The following DPP10 variants were observed in gnomAD, a reference collection of about 807,000 sequenced individuals.
The protein encoded by DPP10 is inactive dipeptidyl peptidase 10.
DPP10 carries 33 observed loss-of-function variants against 120.9 expected under a neutral mutation model. The observed-to-expected ratio is 0.27, with a 90% CI of 0.21 to 0.37. DPP10 has a LOEUF of 0.37. DPP10 is among the 10% of genes least tolerant of loss of function. The pLI, the probability that DPP10 is intolerant of heterozygous loss-of-function variation, is 1.00. For missense variants in DPP10, 816 were observed against 942.8 expected, an observed-to-expected ratio of 0.87 and a Z score of 1.76; for synonymous variants, 337 against 326.1, an observed-to-expected ratio of 1.03 and a Z score of -0.36.
intron 1 of DPP10, among the ~76,000 whole-genome samples, chr2:114,843,496 C>T (rs760456987): frequency 1.3e-5 from 2 of 152,110 alleles, no homozygotes; most frequent in Non-Finnish European, 2.9e-5. Context: ...TACTGAACAA[C>T]AGAAAAGTAA....
At chr2:115,252,203 A>G (rs1162014245) in intron 1 of DPP10, among the ~76,000 whole-genome samples, 1 of 152,180 alleles carries the variant, frequency 6.6e-6, no homozygotes, top group Admixed American at 6.5e-5. Flanking sequence ...TACTCTCGTG[A>G]ATTTCATGAC....
chr2:114,756,288 C>T (rs1679738957), intron 1 of DPP10, among the ~76,000 whole-genome samples: 2 of 152,040 alleles, frequency 1.3e-5, no homozygotes, highest in African/African-American at 4.8e-5. Context: ...CAGAAAAAGG[C>T]AAAGGAGGGT....
intron 21 of DPP10, among the ~76,000 whole-genome samples, chr2:115,827,536 A>G (rs1347364041): frequency 6.7e-6 from 1 of 148,936 alleles, no homozygotes; most frequent in Non-Finnish European, 1.5e-5. Context: ...TAAATCCCAA[A>G]ATATATTGTT....
At chr2:115,299,445 G>GT (rs1170509877) in intron 1 of DPP10, among the ~76,000 whole-genome samples, 1 of 151,958 alleles carries the variant, frequency 6.6e-6, no homozygotes, top group Non-Finnish European at 1.5e-5. Context: ...AAGAAATACT[G>GT]TAAGATGATG....
intron 1 of DPP10, among the ~76,000 whole-genome samples, chr2:115,071,347 T>G (rs1707353510): frequency 6.6e-6 from 1 of 152,186 alleles, no homozygotes; most frequent in African/African-American, 2.4e-5. Context: ...GAGACTATGT[T>G]ATTAAAACCC....
At chr2:114,788,879 C>T (rs1180145096) in intron 1 of DPP10, among the ~76,000 whole-genome samples, 1 of 152,082 alleles carries the variant, frequency 6.6e-6, no homozygotes, top group Non-Finnish European at 1.5e-5. Flanking sequence ...CACATGCTGC[C>T]ATTAATTCAT....
chr2:115,171,728 A>AC (rs779262052), intron 1 of DPP10, among the ~76,000 whole-genome samples: 1 of 151,100 alleles, frequency 6.6e-6, no homozygotes, highest in Non-Finnish European at 1.5e-5. Flanking sequence ...AAAAAAAAAA[A>AC]CAAAAAAAAA....
At chr2:114,902,011 A>G (rs566551551) in intron 1 of DPP10, among the ~76,000 whole-genome samples, 32 of 152,328 alleles carry the variant, frequency 2.1e-4, no homozygotes, top group African/African-American at 7.5e-4. Flanking sequence ...GAATGACAAC[A>G]TCTGCTTATC....
intron 17 of DPP10, among the ~76,000 whole-genome samples, chr2:115,789,501 A>ACTACAGCT (rs2149903358): frequency 6.6e-6 from 1 of 152,352 alleles, no homozygotes; most frequent in African/African-American, 2.4e-5. Flanking sequence ...CTGTAAAAAT[A>ACTACAGCT]CTACAGCTGA....
At chr2:115,666,299 A>G (rs889202509) in intron 5 of DPP10, among the ~76,000 whole-genome samples, 2 of 152,178 alleles carry the variant, frequency 1.3e-5, no homozygotes, top group African/African-American at 4.8e-5. Context: ...ACTTACAATC[A>G]TGGTGGAAGG....
chr2:114,546,548 C>T lies in DPP10; in HGVS notation c.60+103710C>T, dbSNP rs1687415672. On this transcript the variant is annotated intron_variant, in intron 1 of 25. Coordinates refer to ENST00000410059, the MANE Select transcript of DPP10 (RefSeq NM_020868.6). ...CATGCAGCCAAACACCCTCGCTGGTCAATCTCCTTACAGTGGGCCTGAAGC... is the reference window on the plus strand; with the variant it reads ...CATGCAGCCAAACACCCTCGCTGGTTAATCTCCTTACAGTGGGCCTGAAGC... Among the ~76,000 whole-genome samples the T allele has an allele frequency of 3.3e-5, 5 of 152,328 alleles. No individual in the cohort carries two copies. The South Asian group carries it at 8.3e-4, about 25-fold the overall frequency.
intron 5 of DPP10, among the ~76,000 whole-genome samples, chr2:115,532,489 A>G (rs1423224747): frequency 6.6e-6 from 1 of 152,128 alleles, no homozygotes; most frequent in East Asian, 1.9e-4. Flanking sequence ...TTGGAAGGCA[A>G]GTGAAACATA....
chr2:115,334,728 A>G (rs759216331), intron 2 of DPP10, among the ~76,000 whole-genome samples: 1 of 152,010 alleles, frequency 6.6e-6, no homozygotes, highest in South Asian at 2.1e-4. Flanking sequence ...TGTTTGTCTG[A>G]AAGTGAATAA....
chr2:114,962,312 G>A lies in DPP10; in HGVS notation c.61-346927G>A, dbSNP rs1023595565. ...TGCATATATAATTTCCTCAGAAAATGTGACGGTAAAAGAAACTAGGATCCA... is the reference window on the plus strand; with the variant it reads ...TGCATATATAATTTCCTCAGAAAATATGACGGTAAAAGAAACTAGGATCCA... On this transcript the variant is annotated intron_variant, in intron 1 of 25. Coordinates refer to ENST00000410059, the MANE Select transcript of DPP10 (RefSeq NM_020868.6). 3.3e-5 allele frequency among the ~76,000 whole-genome samples: 5 copies of A among 152,244 alleles called. No individual in the cohort carries two copies. The South Asian group carries it at 1.0e-3, about 32-fold the overall frequency.
At chr2:115,121,266 T>C (rs890541888) in intron 1 of DPP10, among the ~76,000 whole-genome samples, 1 of 152,358 alleles carries the variant, frequency 6.6e-6, no homozygotes, top group East Asian at 1.9e-4. Context: ...CTAAGTAATA[T>C]AAAGGTGTGT....
At chr2:114,797,313 C>A (rs1302799918) in intron 1 of DPP10, among the ~76,000 whole-genome samples, 3 of 151,988 alleles carry the variant, frequency 2.0e-5, no homozygotes, top group Non-Finnish European at 4.4e-5. Context: ...TCTTGTGAGG[C>A]GTGTGATGTA....
intron 5 of DPP10, among the ~76,000 whole-genome samples, chr2:115,559,919 C>A (rs978801530): frequency 1.3e-5 from 2 of 151,952 alleles, no homozygotes; most frequent in African/African-American, 2.4e-5. Context: ...CATTGTCTAC[C>A]AAGCTTCCAT....
intron 1 of DPP10, among the ~76,000 whole-genome samples, chr2:114,449,772 G>A (rs543653437): frequency 1.3e-5 from 2 of 152,230 alleles, no homozygotes; most frequent in Non-Finnish European, 1.5e-5. Flanking sequence ...TTAAGGATAC[G>A]ACATTTTCAT....
At chr2:115,545,957 A>G (rs1389331313) in intron 5 of DPP10, among the ~76,000 whole-genome samples, 1 of 152,060 alleles carries the variant, frequency 6.6e-6, no homozygotes, top group Non-Finnish European at 1.5e-5. Flanking sequence ...CTTGATGCTC[A>G]GGGCTTTTCC....
Sources: allele counts gnomAD v4.1 joint callset (sites outside exome capture counted in the v4.1 genomes callset), GRCh38; gene constraint gnomAD v4.1.1; transcripts MANE v1.5; gene names NCBI Gene and HGNC (gene_info 2026-07-23, HGNC 2026-07-21).